TBL1XR1: variants seen among roughly 807,000 people sequenced by gnomAD.
TBL1XR1 encodes the protein F-box-like/WD repeat-containing protein TBL1XR1.
Under a neutral mutation model 66.9 loss-of-function variants are expected in TBL1XR1, and 5 were observed. That is an observed-to-expected ratio of 0.07 (90% CI 0.04 to 0.16). The LOEUF (loss-of-function observed/expected upper bound fraction) is 0.16, where lower values mean the gene tolerates loss of function less well. Ranked by LOEUF, TBL1XR1 falls within the 10% of genes least tolerant of loss-of-function variation. TBL1XR1 has a pLI of 1.00. For missense variants in TBL1XR1, 238 were observed against 623.2 expected, an observed-to-expected ratio of 0.38 and a Z score of 6.58; for synonymous variants, 210 against 206.0, an observed-to-expected ratio of 1.02 and a Z score of -0.17.
At chr3:177,178,505 G>C (rs780762254) in intron 1 of TBL1XR1, among the ~76,000 whole-genome samples, 114 of 152,112 alleles carry the variant, frequency 7.5e-4, no homozygotes, top group Non-Finnish European at 1.2e-4. Context: ...CAAAGGCAAT[G>C]TGAATAAAAA....
rs12639229 is a variant in TBL1XR1, at chr3:177,186,651, T to C, written c.-122+10470A>G. Among the ~76,000 whole-genome samples the C allele has an allele frequency of 0.048, 7,307 of 152,282 alleles. 786 individuals are homozygous for C. In the East Asian group the frequency reaches 0.49, roughly 10 times the overall value. ...GAAGGTAACCACTAAAATATGTTAT[T>C]ACTATACCCCATCTGGCAAGGTGTT... On this transcript the variant is annotated intron_variant, in intron 1 of 15. Transcript: ENST00000457928.
chr3:177,064,405 T>C (rs6795498), intron 3 of TBL1XR1, among the ~76,000 whole-genome samples: 54,517 of 152,004 alleles, frequency 0.36, 10,095 homozygotes, highest in East Asian at 0.5. Context: ...CACTGATTGA[T>C]TTAATATTAG....
chr3:177,128,356 A>G (rs1335027183), intron 1 of TBL1XR1, among the ~76,000 whole-genome samples: 1 of 152,220 alleles, frequency 6.6e-6, no homozygotes, highest in Non-Finnish European at 1.5e-5. Context: ...CATATAACTT[A>G]TGACACAGAG....
rs146211471 is a variant in TBL1XR1, at chr3:177,083,557, G to A, written c.-46+14909C>T. Among the ~76,000 whole-genome samples the A allele has an allele frequency of 3.4e-4, 52 of 152,092 alleles. 1 individual carries two copies. Among genetic ancestry groups the A allele is most frequent in the African/African-American group, 1.2e-3 (51 of 41,510 alleles). On this transcript the variant is annotated intron_variant, in intron 2 of 15. Coordinates refer to ENST00000457928, the MANE Select transcript of TBL1XR1 (RefSeq NM_024665.7). The stretch of plus-strand genomic sequence containing the variant: ...AACATATTAACAGGAATCTGACTTC[G>A]AGAAATATCATTCACTGGTCTCTAT...
chr3:177,108,569 T>C (rs1483677691), intron 1 of TBL1XR1, among the ~76,000 whole-genome samples: 3 of 152,208 alleles, frequency 2.0e-5, no homozygotes, highest in Non-Finnish European at 4.4e-5. Context: ...ATAATCCTAT[T>C]GAATGCCTAA....
At chr3:177,195,163 C>T (rs1736670700) in intron 1 of TBL1XR1, among the ~76,000 whole-genome samples, 1 of 151,656 alleles carries the variant, frequency 6.6e-6, no homozygotes, top group Admixed American at 6.6e-5. Flanking sequence ...TTAATGATTG[C>T]GATTACATAC....
At chr3:177,166,080 A>T (rs1164801167) in intron 1 of TBL1XR1, among the ~76,000 whole-genome samples, 1 of 152,030 alleles carries the variant, frequency 6.6e-6, no homozygotes. Flanking sequence ...ACAGAGCCAC[A>T]CCCTGTCCAA....
At chr3:177,102,365 C>T (rs911671568) in intron 1 of TBL1XR1, among the ~76,000 whole-genome samples, 24 of 152,146 alleles carry the variant, frequency 1.6e-4, no homozygotes, top group Admixed American at 1.2e-3. Context: ...TGGAAAATTT[C>T]TAGAAACATA....
chr3:177,127,850 A>C (rs973776559), intron 1 of TBL1XR1, among the ~76,000 whole-genome samples: 28 of 152,340 alleles, frequency 1.8e-4, no homozygotes, highest in African/African-American at 6.5e-4. Flanking sequence ...AATCAGTGTG[A>C]ATTGTTCCAT....
intron 2 of TBL1XR1, among the ~76,000 whole-genome samples, chr3:177,091,633 A>G (rs536352622): frequency 1.3e-5 from 2 of 152,304 alleles, no homozygotes; most frequent in Admixed American, 6.5e-5. Flanking sequence ...AATGACATCA[A>G]TAAGAATACA....
intron 2 of TBL1XR1, among the ~76,000 whole-genome samples, chr3:177,084,846 T>C (rs1245018766): frequency 1.3e-5 from 2 of 152,274 alleles, no homozygotes; most frequent in African/African-American, 2.4e-5. Context: ...GTTTGTTCTA[T>C]GGTGTCCTCA....
chr3:177,034,796 A>G (rs1414733166), intron 12 of TBL1XR1, among the ~76,000 whole-genome samples: 1 of 152,040 alleles, frequency 6.6e-6, no homozygotes, highest in African/African-American at 2.4e-5. Flanking sequence ...CTCAAATGAA[A>G]AGTAGGAAAA....
At chr3:177,136,693 T>C (rs1306450390) in intron 1 of TBL1XR1, among the ~76,000 whole-genome samples, 1 of 152,182 alleles carries the variant, frequency 6.6e-6, no homozygotes, top group Non-Finnish European at 1.5e-5. Flanking sequence ...AGGCGTCACA[T>C]GAAAAGGCAT....
intron 1 of TBL1XR1, chr3:177,163,853 T>C (rs1732506025): frequency 6.6e-6 from 1 of 152,208 alleles, no homozygotes; most frequent in Admixed American, 6.5e-5. Flanking sequence ...TCACTTTCTA[T>C]ACACATAGAT....
intron 1 of TBL1XR1, among the ~76,000 whole-genome samples, chr3:177,193,865 T>C (rs1468891661): frequency 6.6e-6 from 1 of 152,232 alleles, no homozygotes; most frequent in Non-Finnish European, 1.5e-5. Context: ...AATAATTTTG[T>C]GGCCTTGAAC....
intron 1 of TBL1XR1, among the ~76,000 whole-genome samples, chr3:177,148,079 A>T (rs1158402980): frequency 1.3e-5 from 2 of 152,234 alleles, no homozygotes; most frequent in Non-Finnish European, 2.9e-5. Flanking sequence ...CCATGGAAAC[A>T]AGTCCGTTAT....
rs142077431 is a variant in TBL1XR1 at position 177,095,910 on chromosome 3, TGAG to T, written c.-46+2553_-46+2555del. The stretch of plus-strand genomic sequence containing the variant: ...GTTCAGTAAGGGGAAGAAAAATGTT[TGAG>T]GAGATGGATATCCCACTTATCCTAA... On this transcript the variant is annotated intron_variant, in intron 2 of 15. Transcript: ENST00000457928. Among the ~76,000 whole-genome samples the T allele has an allele frequency of 3.2e-3, 482 of 152,316 alleles. 7 individuals are homozygous for T. Among genetic ancestry groups the T allele is most frequent in the African/African-American group, 0.011 (464 of 41,560 alleles).
At chr3:177,148,630 A>G (rs890962152) in intron 1 of TBL1XR1, among the ~76,000 whole-genome samples, 1 of 152,058 alleles carries the variant, frequency 6.6e-6, no homozygotes, top group African/African-American at 2.4e-5. Context: ...CAGGAGAATC[A>G]CTTGAACCCA....
intron 1 of TBL1XR1, among the ~76,000 whole-genome samples, chr3:177,183,328 T>C (rs1317068363): frequency 6.6e-6 from 1 of 152,174 alleles, no homozygotes; most frequent in African/African-American, 2.4e-5. Context: ...CATAAGTTCC[T>C]GATAACCCTT....
Sources: gnomAD v4.1 joint callset for allele counts (sites outside exome capture counted in the v4.1 genomes callset) on GRCh38, gnomAD v4.1.1 for gene constraint, MANE v1.5 for transcripts, NCBI Gene and HGNC (gene_info 2026-07-23, HGNC 2026-07-21) for gene names.